Variants in DPY19L2 observed in about 807,000 individuals in gnomAD.
DPY19L2 encodes probable C-mannosyltransferase DPY19L2.
In DPY19L2, 34 loss-of-function variants were observed where a neutral mutation model predicts 97.9. The observed-to-expected ratio is 0.35, with a 90% confidence interval of 0.26 to 0.46. The LOEUF is 0.46. Among genes scored for constraint, DPY19L2 ranks in the 20% least tolerant of loss-of-function variants. DPY19L2 has a pLI of 1.00. For synonymous variants in DPY19L2, 230 were observed against 307.9 expected, an observed-to-expected ratio of 0.75 and a Z score of 2.65; for missense variants, 623 against 911.4, an observed-to-expected ratio of 0.68 and a Z score of 4.07.
chr12:63,594,304 G>A (rs1200919176), intron 15 of DPY19L2, among the ~76,000 whole-genome samples, 171 bp from the exon 16 acceptor site: 1 of 152,050 alleles, frequency 6.6e-6, no homozygotes, highest in Admixed American at 6.5e-5. Context: ...TTCTCCTTCC[G>A]AGAAGTGACT....
At chr12:63,625,861 T>C (rs73327540) in intron 7 of DPY19L2, among the ~76,000 whole-genome samples, 2,778 of 151,468 alleles carry the variant, frequency 0.018, 76 homozygotes, top group African/African-American at 0.063. Context: ...TACTATATTG[T>C]ATACTTAAAA....
intron 3 of DPY19L2, among the ~76,000 whole-genome samples, chr12:63,661,904 TC>T (rs1205087130): frequency 1.3e-5 from 2 of 152,150 alleles, no homozygotes; most frequent in Admixed American, 1.3e-4. Flanking sequence ...TTACTTTTTT[TC>T]CCATGCTCTT....
At chr12:63,587,388 A>C (rs1881975123) in intron 16 of DPY19L2, among the ~76,000 whole-genome samples, 1 of 151,866 alleles carries the variant, frequency 6.6e-6, no homozygotes, top group Non-Finnish European at 1.5e-5. Context: ...GAATAGCACT[A>C]TTAATAACAT....
chr12:63,667,874 C>T (rs1472984135), intron 1 of DPY19L2, among the ~76,000 whole-genome samples, 183 bp downstream of exon 1: 2 of 152,130 alleles, frequency 1.3e-5, no homozygotes, highest in Admixed American at 1.3e-4. Context: ...AACCAATATA[C>T]TCCCTATCTC....
Position 63,572,751 on chromosome 12 carries a change from C to T in DPY19L2, c.1901-1894G>A, listed in dbSNP as rs1015548107. Among the ~76,000 whole-genome samples the T allele has an allele frequency of 2.1e-4, 32 of 151,980 alleles. 1 individual carries two copies. In the East Asian group the frequency reaches 4.5e-3, roughly 21 times the overall value. Reference sequence around the variant, plus strand: ...ACAGAGAAAGAGAGAGAGAGAGACTCCATATGGGAGAGAGTAAGGGAAGAG... The same window carrying T: ...ACAGAGAAAGAGAGAGAGAGAGACTTCATATGGGAGAGAGTAAGGGAAGAG... On this transcript the variant is annotated intron_variant, in intron 19 of 21. Coordinates refer to ENST00000324472, the MANE Select transcript of DPY19L2 (RefSeq NM_173812.5).
At chr12:63,610,410 A>C (rs1886748493) in intron 11 of DPY19L2, among the ~76,000 whole-genome samples, 1 of 151,916 alleles carries the variant, frequency 6.6e-6, no homozygotes, top group African/African-American at 2.4e-5. Flanking sequence ...CCAAGTTTGT[A>C]TAACAGGAAC....
At position 63,594,001 on chromosome 12, in the gene DPY19L2, G is replaced by A. The variant is rs1379574423; in HGVS notation, c.1580+86C>T. On this transcript the variant is annotated intron_variant, in intron 16 of 21. Transcript: ENST00000324472. ...CTTAATCACAATGCTAAAGTTTAAT[G>A]CATATTCATTTGAAAAATTAATGTT... The A allele has an allele frequency of 5.7e-6, 5 of 873,648 alleles. No individual in the cohort carries two copies. In the Admixed American group the frequency reaches 1.2e-4, roughly 21 times the overall value. The allele number at this position is 873,648 out of a possible 1,614,324, so 54.1% of individuals were successfully genotyped here.
chr12:63,593,443 T>C (rs968185246), intron 16 of DPY19L2, among the ~76,000 whole-genome samples: 14 of 152,222 alleles, frequency 9.2e-5, no homozygotes, highest in African/African-American at 3.4e-4. Context: ...ATATACACCA[T>C]GGAATACTAT....
intron 6 of DPY19L2, among the ~76,000 whole-genome samples, chr12:63,633,232 C>A (rs1891031774): frequency 6.6e-6 from 1 of 150,584 alleles, no homozygotes; most frequent in African/African-American, 2.5e-5. Flanking sequence ...AATTAAACTA[C>A]ACAGCTTCTG....
upstream of DPY19L2, chr12:63,668,628 C>G: frequency 1.9e-6 from 1 of 537,872 alleles, no homozygotes; most frequent in South Asian, 2.3e-5. Context: ...CGAGCAGCAC[C>G]CCCGCCTCTG....
intron 6 of DPY19L2, among the ~76,000 whole-genome samples, chr12:63,640,855 C>A (rs972822685): frequency 2.0e-5 from 3 of 151,988 alleles, no homozygotes; most frequent in Admixed American, 1.3e-4. Flanking sequence ...AAATACAAAC[C>A]ATTTTCAAAA....
intron 12 of DPY19L2, among the ~76,000 whole-genome samples, chr12:63,604,070 T>C (rs1271866970): frequency 2.0e-5 from 3 of 152,216 alleles, no homozygotes; most frequent in Admixed American, 2.0e-4. Context: ...CAAATTATCT[T>C]AATTTTCATT....
At chr12:63,659,324 A>C (rs1895373932) in intron 4 of DPY19L2, among the ~76,000 whole-genome samples, 2 of 152,154 alleles carry the variant, frequency 1.3e-5, no homozygotes, top group Admixed American at 6.5e-5. Context: ...TACATTGAAA[A>C]AATACAAAAC....
rs143003789 is a variant in DPY19L2 at position 63,589,583 on chromosome 12, C to T, written c.1580+4504G>A. On this transcript the variant is annotated intron_variant, in intron 16 of 21. Coordinates refer to ENST00000324472, the MANE Select transcript of DPY19L2 (RefSeq NM_173812.5). ...CTATGTCACTATACCACAAAATTAA[C>T]GCAAGAGTAATAAATAACCTATATG... 9.7e-3 allele frequency among the ~76,000 whole-genome samples: 1,477 copies of T among 151,584 alleles called. 8 individuals carry two copies. Among genetic ancestry groups the T allele is most frequent in the African/African-American group, 0.034 (1,386 of 41,364 alleles).
chr12:63,587,765 G>T (rs7294650), intron 16 of DPY19L2, among the ~76,000 whole-genome samples: 59,895 of 151,398 alleles, frequency 0.4, 11,830 homozygotes, highest in East Asian at 0.48. Context: ...TGGAGACAGG[G>T]TTTCACCGTG....
chr12:63,606,489 A>G (rs887010030), intron 12 of DPY19L2, among the ~76,000 whole-genome samples: 3 of 152,154 alleles, frequency 2.0e-5, no homozygotes, highest in African/African-American at 7.2e-5. Context: ...TGGGATGATC[A>G]TAAGATATTT....
rs558078687 is a variant in DPY19L2 at position 63,579,600 on chromosome 12, T to A, written c.1900+1062A>T. 2.6e-5 allele frequency among the ~76,000 whole-genome samples: 4 copies of A among 152,020 alleles called. No homozygotes were observed. In the South Asian group the frequency reaches 8.3e-4, roughly 32 times the overall value. ...AACAAAGAAAGACACAAGAAAAGAT[T>A]AAAAGGGCAGCTATTTTTAAAAGCT... On this transcript the variant is annotated intron_variant, in intron 19 of 21. Coordinates refer to ENST00000324472, the MANE Select transcript of DPY19L2 (RefSeq NM_173812.5).
At chr12:63,587,763 G>A (rs1425605976) in intron 16 of DPY19L2, among the ~76,000 whole-genome samples, 2 of 151,868 alleles carry the variant, frequency 1.3e-5, no homozygotes, top group Non-Finnish European at 2.9e-5. Context: ...AGTGGAGACA[G>A]GGTTTCACCG....
In DPY19L2 at chr12:63,569,213, T is replaced by A; in HGVS notation, c.2126+11A>T. On this transcript the variant is annotated intron_variant, in intron 21 of 21. Transcript: ENST00000324472. ...ATATACCATATCAGATAGCATAGGGTTAATACTCACTTAGTTCTCACAACA... is the reference window on the plus strand; with the variant it reads ...ATATACCATATCAGATAGCATAGGGATAATACTCACTTAGTTCTCACAACA... The A allele has an allele frequency of 1.3e-6, 2 of 1,593,764 alleles. No homozygotes were observed. Among genetic ancestry groups the A allele is most frequent in the African/African-American group, 2.7e-5 (2 of 74,252 alleles).
Sources: gnomAD v4.1 joint callset for allele counts (sites outside exome capture counted in the v4.1 genomes callset) on GRCh38, gnomAD v4.1.1 for gene constraint, MANE v1.5 for transcripts, NCBI Gene and HGNC (gene_info 2026-07-23, HGNC 2026-07-21) for gene names.